UBE2R2: variants seen among roughly 807,000 people sequenced by gnomAD.
UBE2R2 encodes ubiquitin conjugating enzyme E2 R2.
UBE2R2 carries 1 observed loss-of-function variant against 27.8 expected under a neutral mutation model. The observed-to-expected ratio is 0.04, with a 90% CI of 0.01 to 0.17. UBE2R2 has a LOEUF of 0.17. Ranked by LOEUF, UBE2R2 falls within the 10% of genes least tolerant of loss-of-function variation. The pLI is 1.00. For missense variants in UBE2R2, 100 were observed against 291.0 expected (o/e 0.34, Z 4.78); for synonymous variants, 106 against 113.3 (o/e 0.94, Z 0.41).
intron 1 of UBE2R2, among the ~76,000 whole-genome samples, chr9:33,832,678 A>G (rs947506141): frequency 1.4e-4 from 22 of 151,816 alleles, no homozygotes; most frequent in African/African-American, 4.8e-4. Context: ...AAAAAGAAAG[A>G]AAGAAAGAAA....
intron 1 of UBE2R2, among the ~76,000 whole-genome samples, chr9:33,821,639 T>C (rs2130711195): frequency 6.6e-6 from 1 of 152,056 alleles, no homozygotes; most frequent in Non-Finnish European, 1.5e-5. Context: ...TTTTTTGAGA[T>C]GGAGTCTCAC....
intron 1 of UBE2R2, among the ~76,000 whole-genome samples, chr9:33,826,113 T>C (rs897529377): frequency 5.9e-4 from 87 of 148,228 alleles, no homozygotes; most frequent in African/African-American, 1.9e-3. Flanking sequence ...GCCACTGCAC[T>C]CCAGCCTGAG....
At chr9:33,859,761 TG>T (rs1324428919) in intron 1 of UBE2R2, among the ~76,000 whole-genome samples, 97 of 66,076 alleles carry the variant, frequency 1.5e-3, no homozygotes, top group African/African-American at 5.3e-3. Context: ...CTAAGCCTTT[TG>T]TGTGTGTGTG....
At chr9:33,869,423 T>TTTTG (rs148327191) in intron 1 of UBE2R2, among the ~76,000 whole-genome samples, 1 of 146,526 alleles carries the variant, frequency 6.8e-6, no homozygotes, top group Admixed American at 6.9e-5. Flanking sequence ...ATATACAATG[T>TTTTG]TTTATTTATT....
At chr9:33,869,341 ATTT>A (rs762587177) in intron 1 of UBE2R2, among the ~76,000 whole-genome samples, 2 of 152,076 alleles carry the variant, frequency 1.3e-5, no homozygotes, top group Non-Finnish European at 2.9e-5. Context: ...AACAAAACTT[ATTT>A]AATACTGCAC....
intron 1 of UBE2R2, among the ~76,000 whole-genome samples, chr9:33,878,431 A>G (rs1279738689): frequency 6.6e-6 from 1 of 152,122 alleles, no homozygotes; most frequent in Non-Finnish European, 1.5e-5. Context: ...TCTTGGAAAC[A>G]TGGTGAAACC....
At chr9:33,886,472 T>C (rs528126926) in intron 1 of UBE2R2, among the ~76,000 whole-genome samples, 2 of 151,974 alleles carry the variant, frequency 1.3e-5, no homozygotes, top group Non-Finnish European at 2.9e-5. Flanking sequence ...CTGGCCAACA[T>C]GGTGAAACCC....
Position 33,897,024 on chromosome 9 carries a change from A to ATTTTTTT in UBE2R2, c.265-3126_265-3120dup, listed in dbSNP as rs749987839. Among the ~76,000 whole-genome samples the ATTTTTTT allele has an allele frequency of 3.5e-3, 144 of 40,646 alleles. 38 individuals carry two copies. The highest frequency in any genetic ancestry group is 0.013 in the East Asian group (14 of 1,040). The allele number at this position is 40,646 out of a possible 152,430, so 26.7% of individuals were successfully genotyped here. A position where few individuals can be genotyped will look rare whatever the true frequency, so the allele number is the denominator to read the frequency against. ...CCAAGTAGCATACTTCTGTGGCCTA[A>ATTTTTTT]TTTTTTTTTTTTTTTTTTTTTTTTT... is the stretch of plus-strand genomic sequence containing the variant. On this transcript the variant is annotated intron_variant, in intron 2 of 4. Transcript: ENST00000263228.
chr9:33,874,017 C>T (rs570835719), intron 1 of UBE2R2, among the ~76,000 whole-genome samples: 4 of 151,358 alleles, frequency 2.6e-5, no homozygotes, highest in African/African-American at 4.9e-5. Flanking sequence ...GCACGATCTC[C>T]GCTCACTGTA....
At chr9:33,856,228 G>A (rs992454654) in intron 1 of UBE2R2, among the ~76,000 whole-genome samples, 1 of 151,944 alleles carries the variant, frequency 6.6e-6, no homozygotes, top group Non-Finnish European at 1.5e-5. Context: ...TCCTACTCCC[G>A]GTCAGTCCTC....
At chr9:33,901,434 C>T (rs959267960) in intron 3 of UBE2R2, among the ~76,000 whole-genome samples, 26 of 152,148 alleles carry the variant, frequency 1.7e-4, no homozygotes, top group African/African-American at 6.0e-4. Flanking sequence ...ATTCTGTACT[C>T]CTTGGAAGGA....
chr9:33,843,072 G>T (rs1453502079), intron 1 of UBE2R2, among the ~76,000 whole-genome samples: 1 of 102,878 alleles, frequency 9.7e-6, no homozygotes, highest in South Asian at 3.4e-4. Flanking sequence ...TTTTAAGACA[G>T]AGTCTTGCTC....
At chr9:33,884,277 TTC>T (rs1821806582) in intron 1 of UBE2R2, among the ~76,000 whole-genome samples, 1 of 130,220 alleles carries the variant, frequency 7.7e-6, no homozygotes, top group African/African-American at 2.8e-5. Context: ...CCTTTATTTT[TTC>T]TTTTTCTTTC....
chr9:33,909,006 T>TTAAATAAATAAATAAA (rs138047093), intron 3 of UBE2R2, among the ~76,000 whole-genome samples: 3,219 of 150,212 alleles, frequency 0.021, 78 homozygotes, highest in East Asian at 0.079. Context: ...GACCCTGTCT[T>TTAAATAAATAAATAAA]TAAATAAATA....
At chr9:33,841,928 A>G (rs1406137127) in intron 1 of UBE2R2, among the ~76,000 whole-genome samples, 3 of 152,116 alleles carry the variant, frequency 2.0e-5, no homozygotes, top group Non-Finnish European at 2.9e-5. Context: ...CCCCGACATC[A>G]TCATATCTGT....
chr9:33,849,759 A>G (rs1313060818), intron 1 of UBE2R2, among the ~76,000 whole-genome samples: 6 of 151,610 alleles, frequency 4.0e-5, no homozygotes, highest in Admixed American at 3.9e-4. Flanking sequence ...TAGGAGGCTG[A>G]CATGGGAGGG....
chr9:33,883,252 CCAATT>C (rs1220172523), intron 1 of UBE2R2, among the ~76,000 whole-genome samples: 2 of 152,084 alleles, frequency 1.3e-5, no homozygotes, highest in African/African-American at 4.8e-5. Flanking sequence ...TCTTAGTCCT[CCAATT>C]CAATTCATTG....
chr9:33,825,839 A>G (rs995044975), intron 1 of UBE2R2, among the ~76,000 whole-genome samples: 3 of 152,174 alleles, frequency 2.0e-5, no homozygotes, highest in African/African-American at 4.8e-5. Context: ...GACTACAGAG[A>G]TATCTGAGTT....
At chr9:33,818,754 C>T (rs895302304) in intron 1 of UBE2R2, 3 of 152,038 alleles carry the variant, frequency 2.0e-5, no homozygotes, top group African/African-American at 7.3e-5. Flanking sequence ...TGATAGCTTC[C>T]TACTTTCAGA....
Sources: gnomAD v4.1 joint callset for allele counts (sites outside exome capture counted in the v4.1 genomes callset) on GRCh38, gnomAD v4.1.1 for gene constraint, MANE v1.5 for transcripts, NCBI Gene and HGNC (gene_info 2026-07-23, HGNC 2026-07-21) for gene names.